The following ZMAT5 variants were observed in gnomAD, a reference collection of about 807,000 sequenced individuals.
ZMAT5 encodes the protein zinc finger matrin-type protein 5.
Under a neutral mutation model 28.0 loss-of-function variants are expected in ZMAT5, and 23 were observed. The ratio of observed to expected loss-of-function variants is 0.82; its 90% CI spans 0.59 to 1.16. ZMAT5 has a LOEUF of 1.16. Among genes scored for constraint, ZMAT5 ranks in the 50% most tolerant of loss-of-function variants. The pLI is 0.00. For missense variants in ZMAT5, 173 were observed against 212.7 expected, an observed-to-expected ratio of 0.81 and a Z score of 1.16; for synonymous variants, 76 against 84.1, an observed-to-expected ratio of 0.90 and a Z score of 0.52.
intron 5 of ZMAT5, 42 bp from the exon 6 acceptor site, chr22:29,731,396 C>T (rs2067842536): frequency 6.5e-7 from 1 of 1,530,798 alleles, no homozygotes; most frequent in Non-Finnish European, 8.7e-7. Context: ...GAGTGCACTA[C>T]AGCCCAGGCT....
chr22:29,748,277 G>T, intron 2 of ZMAT5, 141 bp downstream of exon 2: 1 of 1,206,324 alleles, frequency 8.3e-7, no homozygotes, highest in Non-Finnish European at 1.2e-6. Flanking sequence ...TCCTCTGAGG[G>T]CCCAGTGGCT....
chr22:29,739,803 CCT>C (rs1286101036), intron 4 of ZMAT5, among the ~76,000 whole-genome samples: 1 of 152,244 alleles, frequency 6.6e-6, no homozygotes, highest in African/African-American at 2.4e-5. Context: ...TCCTGGAAAC[CCT>C]GTGTTGGTCC....
chr22:29,761,645 T>A (rs1363543369), intron 1 of ZMAT5, among the ~76,000 whole-genome samples: 1 of 152,156 alleles, frequency 6.6e-6, no homozygotes, highest in African/African-American at 2.4e-5. Flanking sequence ...TATGTGCTCC[T>A]TATGAGAATC....
chr22:29,760,288 G>A (rs547546876), intron 1 of ZMAT5, among the ~76,000 whole-genome samples: 152 of 149,844 alleles, frequency 1.0e-3, no homozygotes, highest in African/African-American at 3.5e-3. Context: ...CAGGAGAATC[G>A]CTTGAACCTG....
At chr22:29,764,009 C>T (rs13057329) in intron 1 of ZMAT5, among the ~76,000 whole-genome samples, 350 of 152,064 alleles carry the variant, frequency 2.3e-3, no homozygotes, top group Non-Finnish European at 3.2e-3. Context: ...GTAATCCCAG[C>T]TATTTGGGAG....
intron 1 of ZMAT5, among the ~76,000 whole-genome samples, chr22:29,754,260 A>G (rs2068079922): frequency 6.6e-6 from 1 of 152,074 alleles, no homozygotes; most frequent in African/African-American, 2.4e-5. Flanking sequence ...TGGAACACAG[A>G]ACCATCCGGC....
rs131276 is a variant in ZMAT5 at position 29,758,082 on chromosome 22, A to G, written c.-28+8790T>C. On this transcript the variant is annotated intron_variant, in intron 1 of 5. Coordinates refer to ENST00000344318, the MANE Select transcript of ZMAT5 (RefSeq NM_001003692.2). ...TTTCTCTGATCACTTGGTCTGGGGG[A>G]AGCCAGCTGCCACACTGTGAGCAGC... Among the ~76,000 whole-genome samples the G allele has an allele frequency of 4.1e-3, 620 of 151,864 alleles. 3 individuals carry two copies. The highest frequency in any genetic ancestry group is 7.9e-3 in the Non-Finnish European group (538 of 67,982).
chr22:29,761,852 C>T (rs1043530977), intron 1 of ZMAT5, among the ~76,000 whole-genome samples: 2 of 152,096 alleles, frequency 1.3e-5, no homozygotes, highest in African/African-American at 4.8e-5. Context: ...GAAATATGGA[C>T]TGTATAACAG....
intron 1 of ZMAT5, among the ~76,000 whole-genome samples, chr22:29,764,181 A>T (rs1329401587): frequency 6.6e-6 from 1 of 152,078 alleles, no homozygotes; most frequent in Non-Finnish European, 1.5e-5. Flanking sequence ...AACAAGCCAC[A>T]CCTTTAACTC....
intron 5 of ZMAT5, chr22:29,731,724 T>C (rs948394457): frequency 2.1e-5 from 4 of 194,404 alleles, no homozygotes; most frequent in South Asian, 1.2e-4. Flanking sequence ...TACTGTGTGA[T>C]AGGGAGAAAA....
At chr22:29,765,992 C>T (rs185040518) in intron 1 of ZMAT5, among the ~76,000 whole-genome samples, 1 of 152,312 alleles carries the variant, frequency 6.6e-6, no homozygotes, top group East Asian at 1.9e-4. Context: ...TCGCATTTCT[C>T]CTGAAAACCC....
rs6006230 is a variant in ZMAT5, at chr22:29,731,146, G to A, written c.*79C>T. ...GATGGTCTCGGAGCCTCCATGGGGC[G>A]TAGCAGGAACCGGGCTTGGCTTCCT... On this transcript the variant is annotated 3_prime_UTR_variant, in exon 6 of 6. Coordinates refer to ENST00000344318, the MANE Select transcript of ZMAT5 (RefSeq NM_001003692.2). 2.2e-3 allele frequency: 3,070 copies of A among 1,399,850 alleles called. 43 individuals carry two copies. In the African/African-American group the frequency reaches 0.038, roughly 17 times the overall value. 86.7% of individuals were successfully genotyped at this position (1,399,850 alleles called of 1,614,324 possible).
chr22:29,749,373 C>T (rs978659053), intron 1 of ZMAT5, among the ~76,000 whole-genome samples: 1 of 152,130 alleles, frequency 6.6e-6, no homozygotes, highest in East Asian at 1.9e-4. Flanking sequence ...GCCCCATCCC[C>T]TACCATACCT....
chr22:29,754,695 A>AC (rs2068083881), intron 1 of ZMAT5, among the ~76,000 whole-genome samples: 1 of 151,856 alleles, frequency 6.6e-6, no homozygotes, highest in Non-Finnish European at 1.5e-5. Flanking sequence ...ACATGGGCAG[A>AC]CCCCATTTCT....
At chr22:29,755,985 C>G (rs1680208380) in intron 1 of ZMAT5, among the ~76,000 whole-genome samples, 1 of 152,248 alleles carries the variant, frequency 6.6e-6, no homozygotes, top group African/African-American at 2.4e-5. Context: ...AACATTTGCG[C>G]TTCATCAATA....
chr22:29,761,451 G>A (rs949892327), intron 1 of ZMAT5, among the ~76,000 whole-genome samples: 17 of 151,822 alleles, frequency 1.1e-4, no homozygotes, highest in African/African-American at 3.4e-4. Flanking sequence ...ATGGTGGTGC[G>A]GGCTCGGGCC....
At chr22:29,758,798 C>G (rs542956958) in intron 1 of ZMAT5, 2 of 152,634 alleles carry the variant, frequency 1.3e-5, no homozygotes, top group Non-Finnish European at 2.9e-5. Context: ...TAACTGATCA[C>G]AACCAGATAC....
chr22:29,745,574 C>G (rs2068002097), intron 2 of ZMAT5, among the ~76,000 whole-genome samples: 1 of 152,246 alleles, frequency 6.6e-6, no homozygotes. Flanking sequence ...ACCATGCCTA[C>G]TTAGTAAGCT....
intron 1 of ZMAT5, among the ~76,000 whole-genome samples, chr22:29,752,043 C>A (rs1400730898): frequency 5.3e-5 from 8 of 152,146 alleles, no homozygotes; most frequent in African/African-American, 1.7e-4. Flanking sequence ...ACCCTAGGAC[C>A]ATGCTAGCCC....
Sources: allele counts gnomAD v4.1 joint callset (sites outside exome capture counted in the v4.1 genomes callset), GRCh38; gene constraint gnomAD v4.1.1; transcripts MANE v1.5; gene names NCBI Gene and HGNC (gene_info 2026-07-23, HGNC 2026-07-21).